Variants in DLGAP1 observed in about 807,000 individuals in gnomAD.
DLGAP1 encodes disks large-associated protein 1.
A neutral mutation model predicts 90.8 loss-of-function variants in DLGAP1; 11 were observed. The ratio of observed to expected loss-of-function variants is 0.12; its 90% confidence interval spans 0.08 to 0.20. The LOEUF is 0.20. Among genes scored for constraint, DLGAP1 ranks in the 10% least tolerant of loss-of-function variants. The pLI is 1.00. For synonymous variants in DLGAP1, 558 were observed against 540.7 expected (o/e 1.03, Z -0.44); for missense variants, 1,050 against 1,333.8 (o/e 0.79, Z 3.31).
chr18:4,260,647 C>G (rs190244217), intron 1 of DLGAP1, among the ~76,000 whole-genome samples: 64 of 152,182 alleles, frequency 4.2e-4, no homozygotes, highest in Non-Finnish European at 6.2e-4. Context: ...CGATAAATAT[C>G]AGATATATAT....
rs766282706 is a variant in DLGAP1, at chr18:3,581,940, C to T, written c.1900G>A (p.Val634Ile). 9 of 1,614,134 alleles carry T rather than the reference C, an allele frequency of 5.6e-6. No homozygotes were observed. The highest frequency in any genetic ancestry group is 4.4e-5 in the South Asian group (4 of 91,070). The change falls in exon 8 of 13, where the codon GTC becomes ATC. Residue 634 changes from valine (V) to isoleucine (I), a missense_variant. Transcript: ENST00000315677. The part of the protein sequence containing the change: ...TVTTTTTIAT[V>I]TTEDRKKDHF... ...TCCTTCTTCCTGTCCTCCGTGGTGA[C>T]GGTGGCTATGGTAGTCGTGGTGGTG... is the stretch of plus-strand genomic sequence containing the variant.
chr18:4,351,294 T>G (rs1312672137), intron 1 of DLGAP1, among the ~76,000 whole-genome samples: 1 of 152,194 alleles, frequency 6.6e-6, no homozygotes, highest in African/African-American at 2.4e-5. Context: ...CTTTGCTGCC[T>G]CACTAGCTGT....
chr18:4,442,241 G>A (rs960692114), intron 1 of DLGAP1, among the ~76,000 whole-genome samples: 4 of 152,000 alleles, frequency 2.6e-5, no homozygotes, highest in Admixed American at 6.6e-5. Flanking sequence ...TTCATGATCC[G>A]CCCACCTCGG....
chr18:4,452,673 G>A (rs1440922993), intron 1 of DLGAP1, among the ~76,000 whole-genome samples: 1 of 152,114 alleles, frequency 6.6e-6, no homozygotes, highest in Non-Finnish European at 1.5e-5. Flanking sequence ...TTGGAAGGAA[G>A]GTCTTGTCTC....
intron 3 of DLGAP1, among the ~76,000 whole-genome samples, chr18:3,889,115 C>CA (rs900550397): frequency 3.3e-5 from 5 of 151,774 alleles, no homozygotes; most frequent in African/African-American, 1.2e-4. Context: ...GCGTTTACTC[C>CA]AAAAAAAGTT....
intron 4 of DLGAP1, among the ~76,000 whole-genome samples, chr18:3,867,785 A>AT (rs1397841335): frequency 1.3e-5 from 2 of 151,700 alleles, no homozygotes; most frequent in East Asian, 3.9e-4. Context: ...GTTTTTTTTT[A>AT]TTTTTTGTTT....
At chr18:3,983,802 C>T (rs542439355) in intron 3 of DLGAP1, 2 of 152,266 alleles carry the variant, frequency 1.3e-5, no homozygotes, top group African/African-American at 2.4e-5. Flanking sequence ...CCCATTCTAA[C>T]GTCTACCGCA....
intron 2 of DLGAP1, among the ~76,000 whole-genome samples, chr18:4,062,649 A>G (rs1568375930): frequency 1.3e-5 from 2 of 152,180 alleles, no homozygotes; most frequent in Non-Finnish European, 2.9e-5. Flanking sequence ...CATGCAAATA[A>G]TCAGGCCAAG....
intron 10 of DLGAP1, among the ~76,000 whole-genome samples, chr18:3,523,210 TA>T (rs1175836110): frequency 3.3e-5 from 5 of 151,074 alleles, no homozygotes; most frequent in East Asian, 2.0e-4. Flanking sequence ...CCGTCTCTAC[TA>T]AAAAATACAA....
At chr18:4,139,708 G>A (rs866792619) in intron 2 of DLGAP1, among the ~76,000 whole-genome samples, 11 of 152,106 alleles carry the variant, frequency 7.2e-5, no homozygotes, top group Middle Eastern at 3.4e-3. Context: ...AATGCTGAAA[G>A]TGGGGTGCTG....
intron 7 of DLGAP1, among the ~76,000 whole-genome samples, chr18:3,614,013 C>T (rs919150973): frequency 1.3e-5 from 2 of 152,078 alleles, no homozygotes; most frequent in Admixed American, 1.3e-4. Context: ...AGCTCCGCCC[C>T]CAGGTTCAAG....
At chr18:3,996,399 A>T (rs1252333842) in intron 3 of DLGAP1, among the ~76,000 whole-genome samples, 4 of 152,044 alleles carry the variant, frequency 2.6e-5, no homozygotes, top group Admixed American at 2.6e-4. Flanking sequence ...GTCACTGAAA[A>T]CTTTTACGTA....
intron 1 of DLGAP1, among the ~76,000 whole-genome samples, chr18:4,272,606 T>A (rs927673960): frequency 1.3e-5 from 2 of 152,156 alleles, no homozygotes; most frequent in African/African-American, 4.8e-5. Context: ...CAGGCCACCA[T>A]GAGATCAGAC....
intron 5 of DLGAP1, among the ~76,000 whole-genome samples, chr18:3,754,723 C>CAA (rs1161245616): frequency 9.9e-4 from 58 of 58,720 alleles, no homozygotes; most frequent in Non-Finnish European, 1.4e-3. Flanking sequence ...TACTAAAATA[C>CAA]AAAAAAAAAA....
In DLGAP1 at chr18:3,534,083, A is replaced by T. The variant is rs549972083; in HGVS notation, c.2479+111T>A. 3.6e-5 allele frequency: 44 copies of T among 1,234,238 alleles called. No homozygotes were observed. The African/African-American group carries it at 6.5e-4, about 18-fold the overall frequency. 76.5% of individuals were successfully genotyped at this position (1,234,238 alleles called of 1,614,324 possible). On this transcript the variant is annotated intron_variant, in intron 10 of 12. Coordinates refer to ENST00000315677, the MANE Select transcript of DLGAP1 (RefSeq NM_004746.4). ...CTGCATGTTCTGGTTTGGGGTGTGGAACGTCAAGGTTATACAAGTGAAGCT... is the reference window on the plus strand; with the variant it reads ...CTGCATGTTCTGGTTTGGGGTGTGGTACGTCAAGGTTATACAAGTGAAGCT...
rs1386935665 is a variant in DLGAP1 at position 4,343,644 on chromosome 18, T to C, written c.-267+111362A>G. Among the ~76,000 whole-genome samples, 4 of 151,648 alleles carry C rather than the reference T, an allele frequency of 2.6e-5. No homozygotes were observed. In the East Asian group the frequency reaches 7.7e-4, roughly 29 times the overall value. The stretch of plus-strand genomic sequence containing the variant: ...GAGGGGAACATCACACACTGGTGCC[T>C]GTTGGGGGGTCGGGGGCTAGGGGAG... On this transcript the variant is annotated intron_variant, in intron 1 of 12. Transcript: ENST00000315677.
chr18:3,878,856 T>G (rs1051371492), intron 4 of DLGAP1, among the ~76,000 whole-genome samples: 3 of 152,224 alleles, frequency 2.0e-5, no homozygotes, highest in African/African-American at 7.2e-5. Context: ...CCATAATAAC[T>G]GGTTGCCTTT....
At chr18:3,521,437 C>T (rs2051181555) in intron 10 of DLGAP1, among the ~76,000 whole-genome samples, 3 of 152,320 alleles carry the variant, frequency 2.0e-5, no homozygotes, top group Middle Eastern at 6.8e-3. Context: ...TCCTTCGGTG[C>T]TCCAAGCGCC....
rs16945584 is a variant in DLGAP1, at chr18:3,874,336, C to T, written c.957+4776G>A. 18,543 of 1,515,208 alleles carry T rather than the reference C, an allele frequency of 0.012. 1,133 individuals are homozygous for T. In the African/African-American group the frequency reaches 0.17, roughly 14 times the overall value. The allele number at this position is 1,515,208 out of a possible 1,614,324, so 93.9% of individuals were successfully genotyped here. On this transcript the variant is annotated intron_variant, in intron 4 of 12. Coordinates refer to ENST00000315677, the MANE Select transcript of DLGAP1 (RefSeq NM_004746.4). ...CTCTCCACTTCTACCGCGGAGAGAG[C>T]GTTTTGTTTCCCTTTTCCTGTTTCT... is the stretch of plus-strand genomic sequence containing the variant.
Sources: allele counts gnomAD v4.1 joint callset (sites outside exome capture counted in the v4.1 genomes callset), GRCh38; gene constraint gnomAD v4.1.1; transcripts MANE v1.5; gene names NCBI Gene and HGNC (gene_info 2026-07-23, HGNC 2026-07-21).